Variants in HYDIN observed in about 807,000 individuals in gnomAD.
HYDIN encodes the protein axonemal central pair apparatus protein HYDIN.
A neutral mutation model predicts 403.9 loss-of-function variants in HYDIN; 132 were observed. The ratio of observed to expected loss-of-function variants is 0.33; its 90% CI spans 0.28 to 0.38. The LOEUF is 0.38. Among genes scored for constraint, HYDIN ranks in the 10% least tolerant of loss-of-function variants. The pLI, the probability that HYDIN is intolerant of heterozygous loss-of-function variation, is 1.00. For missense variants in HYDIN, 2,827 were observed against 5,009.5 expected (o/e 0.56, Z 13.15); for synonymous variants, 1,202 against 1,891.7 (o/e 0.64, Z 9.46).
intron 53 of HYDIN, 111 bp downstream of exon 53, chr16:70,900,893 G>C: frequency 2.3e-6 from 1 of 441,404 alleles, no homozygotes; most frequent in African/African-American, 2.9e-5. Flanking sequence ...GATCAGATAG[G>C]AGCATGTAAC....
chr16:71,150,030 A>G (rs987008169), intron 7 of HYDIN, among the ~76,000 whole-genome samples: 1 of 144,264 alleles, frequency 6.9e-6, no homozygotes, highest in Non-Finnish European at 1.5e-5. Flanking sequence ...GGGCCTGCCC[A>G]GAGTTGGAAT....
intron 55 of HYDIN, 149 bp from the exon 56 acceptor site, chr16:70,892,678 G>A (rs534836059): frequency 3.1e-6 from 2 of 644,376 alleles, no homozygotes; most frequent in Non-Finnish European, 5.0e-6. Flanking sequence ...TTTGTACATC[G>A]TGATCGCCTC....
At chr16:71,179,187 A>C (rs1391701045) in intron 3 of HYDIN, 140 bp from the exon 4 acceptor site, 7 of 562,746 alleles carry the variant, frequency 1.2e-5, no homozygotes, top group Admixed American at 7.1e-5. Flanking sequence ...ACCCAAGTAC[A>C]TCATTGTAAA....
intron 83 of HYDIN, among the ~76,000 whole-genome samples, chr16:70,826,846 T>C (rs1383720383): frequency 3.0e-5 from 4 of 134,298 alleles, no homozygotes; most frequent in Non-Finnish European, 6.1e-5. Flanking sequence ...AAATGCTATC[T>C]ATAAATGAAA....
chr16:71,215,770 C>T (rs1309997050), intron 1 of HYDIN, among the ~76,000 whole-genome samples: 1 of 123,618 alleles, frequency 8.1e-6, no homozygotes, highest in Non-Finnish European at 1.7e-5. Flanking sequence ...AGAACTCCTA[C>T]AAAACAATAT....
intron 45 of HYDIN, among the ~76,000 whole-genome samples, chr16:70,924,962 A>C (rs60981698): frequency 6.6e-6 from 1 of 150,820 alleles, no homozygotes; most frequent in Non-Finnish European, 1.5e-5. Flanking sequence ...CGTACTTAAA[A>C]TAACAGTGGA....
chr16:70,820,056 G>A (rs2036135372), intron 83 of HYDIN, among the ~76,000 whole-genome samples: 1 of 146,246 alleles, frequency 6.8e-6, no homozygotes, highest in South Asian at 2.2e-4. Flanking sequence ...TCCTGACCTC[G>A]TGATCCGCCC....
chr16:71,196,019 T>C (rs955128652), intron 1 of HYDIN, among the ~76,000 whole-genome samples: 2 of 152,196 alleles, frequency 1.3e-5, no homozygotes, highest in Non-Finnish European at 2.9e-5. Context: ...GAGAAAGGTA[T>C]GGTTGCAAAA....
At chr16:70,996,442 G>C (rs1222423183) in intron 23 of HYDIN, among the ~76,000 whole-genome samples, 1 of 152,074 alleles carries the variant, frequency 6.6e-6, no homozygotes, top group Non-Finnish European at 1.5e-5. Flanking sequence ...CAGGGGTTCT[G>C]AGCATGGCTG....
At chr16:71,192,491 CT>C (rs1318839937) in intron 1 of HYDIN, among the ~76,000 whole-genome samples, 5 of 152,168 alleles carry the variant, frequency 3.3e-5, no homozygotes. Flanking sequence ...ATTTGCCTAT[CT>C]TACACTTGAT....
chr16:71,045,686 C>T (rs2144212871), intron 18 of HYDIN, among the ~76,000 whole-genome samples: 1 of 114,040 alleles, frequency 8.8e-6, no homozygotes, highest in South Asian at 3.6e-4. Flanking sequence ...AGCTCCTGAG[C>T]ACACAGGCAT....
rs190799820 is a variant in HYDIN, at chr16:70,821,968, G to C, written c.14428-3396C>G. Among the ~76,000 whole-genome samples the C allele has an allele frequency of 5.5e-3, 830 of 152,238 alleles. 8 individuals are homozygous for C. Among genetic ancestry groups the C allele is most frequent in the South Asian group, 0.019 (92 of 4,816 alleles). On this transcript the variant is annotated intron_variant, in intron 83 of 85. Coordinates refer to ENST00000393567, the MANE Select transcript of HYDIN (RefSeq NM_001270974.2). ...TTTAATAATGCACCTGGACACCCAG[G>C]AGCTCTGATGGAACTGTACAGGAGA...
chr16:71,117,540 G>A (rs1047283303), intron 9 of HYDIN, among the ~76,000 whole-genome samples: 1 of 152,180 alleles, frequency 6.6e-6, no homozygotes, highest in Admixed American at 6.5e-5. Flanking sequence ...GTATTGAAAA[G>A]GGGAAAAGAT....
chr16:71,209,197 C>A (rs114418222), intron 1 of HYDIN, among the ~76,000 whole-genome samples: 1 of 149,886 alleles, frequency 6.7e-6, no homozygotes, highest in East Asian at 1.9e-4. Flanking sequence ...TAATCCACCA[C>A]CATCTAGTAG....
chr16:70,934,853 T>A (rs1468550671), intron 45 of HYDIN, among the ~76,000 whole-genome samples: 1 of 152,036 alleles, frequency 6.6e-6, no homozygotes, highest in Non-Finnish European at 1.5e-5. Context: ...CACATGCTCC[T>A]ACTTAAAACA....
In HYDIN at chr16:70,850,600, A is replaced by T; in HGVS notation, c.12499T>A (p.Leu4167Met). 1 of 1,614,024 alleles carries T rather than the reference A, an allele frequency of 6.2e-7. No homozygotes were observed. The highest frequency in any genetic ancestry group is 8.5e-7 in the Non-Finnish European group (1 of 1,179,962). Reference protein sequence around the residue: ...PKQEGDVNFNLICNVEKKVHP... With the variant: ...PKQEGDVNFNMICNVEKKVHP... ...ACTTTCTTTTCCACATTGCAGATCAAATTAAAGTTCACATCTCCTTCCTGC... is the reference window on the plus strand; with the variant it reads ...ACTTTCTTTTCCACATTGCAGATCATATTAAAGTTCACATCTCCTTCCTGC... The change falls in exon 74 of 86, where the codon TTG (leucine) becomes ATG (methionine). Residue 4167 changes from leucine to methionine, a missense_variant. Coordinates refer to ENST00000393567, the MANE Select transcript of HYDIN (RefSeq NM_001270974.2).
Position 71,124,366 on chromosome 16 carries a change from G to A in HYDIN, c.1227+5274C>T, listed in dbSNP as rs2084370114. Among the ~76,000 whole-genome samples, 2 of 152,234 alleles carry A rather than the reference G, an allele frequency of 1.3e-5. 1 individual carries two copies. The highest frequency in any genetic ancestry group is 4.1e-4 in the South Asian group (2 of 4,830). On this transcript the variant is annotated intron_variant, in intron 9 of 85. Coordinates refer to ENST00000393567, the MANE Select transcript of HYDIN (RefSeq NM_001270974.2). ...TATTGAGTCAAACTGCTTTTCACAT[G>A]ATACTGTTCACAAGATTTTATTTAA... is the stretch of plus-strand genomic sequence containing the variant.
At chr16:70,925,755 A>T (rs907146097) in intron 45 of HYDIN, among the ~76,000 whole-genome samples, 3 of 151,854 alleles carry the variant, frequency 2.0e-5, no homozygotes, top group African/African-American at 7.3e-5. Context: ...AACTCAAACA[A>T]ATTTACAAGA....
At chr16:70,955,923 A>C (rs2078221413) in intron 39 of HYDIN, among the ~76,000 whole-genome samples, 1 of 151,958 alleles carries the variant, frequency 6.6e-6, no homozygotes, top group Non-Finnish European at 1.5e-5. Context: ...GTTTCAAGTG[A>C]TTCTCCTGCC....
Sources: allele counts gnomAD v4.1 joint callset (sites outside exome capture counted in the v4.1 genomes callset), GRCh38; gene constraint gnomAD v4.1.1; transcripts MANE v1.5; gene names NCBI Gene and HGNC (gene_info 2026-07-23, HGNC 2026-07-21).